The following NPW variants were observed in gnomAD, a reference collection of about 807,000 sequenced individuals.
NPW encodes prepro-neuropeptide W.
In NPW, 8 loss-of-function variants were observed where a neutral mutation model predicts 9.9. The observed-to-expected ratio is 0.81, with a 90% CI of 0.47 to 1.46. NPW has a LOEUF of 1.46. NPW is among the 40% of genes most tolerant of loss of function. NPW has a pLI of 0.00. For synonymous variants in NPW, 134 were observed against 119.9 expected (o/e 1.12, Z -0.77); for missense variants, 287 against 240.3 (o/e 1.19, Z -1.28).
Position 2,019,924 on chromosome 16 carries a change from G to A in NPW, c.23G>A (p.Arg8Gln). ...GCCCTGGCGTGGCGCCCAGGGGAGC[G>A]GGGGGCTCCCGCGAGCCGGCCGCGG... Residue 8 changes from arginine to glutamine, a missense_variant, in exon 1 of 2, where the codon CGG becomes CAG. Arg to Gln is a conservative substitution (Grantham distance 43, BLOSUM62 1). Transcript: ENST00000566435. 7.6e-7 allele frequency: 1 copy of A among 1,313,694 alleles called. No homozygotes were observed. The highest frequency in any genetic ancestry group is 9.7e-7 in the Non-Finnish European group (1 of 1,031,460). 81.4% of individuals were successfully genotyped at this position (1,313,694 alleles called of 1,614,324 possible).
At position 2,020,700 on chromosome 16, in the gene NPW, C is replaced by A; in HGVS notation, c.*81C>A. On this transcript the variant is annotated 3_prime_UTR_variant, in exon 2 of 2. Transcript: ENST00000566435. ...CGCGCTTCCAGGAGCCGCTCATAGA[C>A]CCCGCCTGCCGTCCGGTCAATAAAA... 6.3e-6 allele frequency: 5 copies of A among 787,854 alleles called. No homozygotes were observed. Among genetic ancestry groups the A allele is most frequent in the African/African-American group, 1.9e-5 (1 of 53,708 alleles). 48.8% of individuals were successfully genotyped at this position (787,854 alleles called of 1,614,324 possible).
rs2083833554 is a variant in NPW at position 2,020,623 on chromosome 16, C to T, written c.*4C>T. On this transcript the variant is annotated 3_prime_UTR_variant, in exon 2 of 2. Transcript: ENST00000566435. ...CCTGGCCCCCGGACCGTTCTGACAG[C>T]GTCCCCCGCCCGCCCGTGGCGCCTC... 6.4e-7 allele frequency: 1 copy of T among 1,567,908 alleles called. No individual in the cohort carries two copies. The highest frequency in any genetic ancestry group is 2.3e-5 in the East Asian group (1 of 43,070).
intron 1 of NPW, 68 bp downstream of exon 1, chr16:2,020,380 C>T: frequency 7.3e-7 from 1 of 1,364,030 alleles, no homozygotes; most frequent in East Asian, 2.6e-5. Flanking sequence ...AGCCGGAGCA[C>T]GGAGCCGCGC....
chr16:2,020,139 CCCGAACCCGCA>C lies in NPW; in HGVS notation c.239_249del (p.Pro80ArgfsTer96). 1 of 1,574,358 alleles carries C rather than the reference CCCGAACCCGCA, an allele frequency of 6.4e-7. No homozygotes were observed. Among genetic ancestry groups the C allele is most frequent in the Non-Finnish European group, 8.6e-7 (1 of 1,164,258 alleles). On this transcript the variant is annotated frameshift_variant, in exon 1 of 2. Transcript: ENST00000566435. LOFTEE classifies it high-confidence loss of function. ...GCCCCTGGCCAGGGACACCCTCTCC[CCCGAACCCGCA>C]GCCCGCGAGGCTCCTCTCCTGCTGC...
In NPW at chr16:2,020,720, A is replaced by G. The variant is rs1240897185; in HGVS notation, c.*101A>G. The G allele has an allele frequency of 2.9e-6, 2 of 678,072 alleles. No homozygotes were observed. The highest frequency in any genetic ancestry group is 4.9e-6 in the Non-Finnish European group (2 of 405,122). 42.0% of individuals were successfully genotyped at this position (678,072 alleles called of 1,614,324 possible). On this transcript the variant is annotated 3_prime_UTR_variant, in exon 2 of 2. Coordinates refer to ENST00000566435, the MANE Select transcript of NPW (RefSeq NM_001099456.3). ...ATAGACCCCGCCTGCCGTCCGGTCAATAAAATCCGCCTGACTCCTGCGCCC... is the reference window on the plus strand; with the variant it reads ...ATAGACCCCGCCTGCCGTCCGGTCAGTAAAATCCGCCTGACTCCTGCGCCC...
At position 2,020,300 on chromosome 16, in the gene NPW, C is replaced by G; in HGVS notation, c.399C>G (p.Ser133Arg). Residue 133 changes from serine to arginine, a missense_variant, in exon 1 of 2, where the codon AGC becomes AGG. Physicochemically the swap from Ser to Arg is moderately radical, Grantham distance 110 (BLOSUM62 -1). Transcript: ENST00000566435. ...TGGAACCGGAGTCCCTGGACTTCAG[C>G]GGAGCTGGCCAGGTACGTGAGAGGG... The G allele has an allele frequency of 6.6e-7, 1 of 1,509,002 alleles. No homozygotes were observed. Among genetic ancestry groups the G allele is most frequent in the Non-Finnish European group, 8.9e-7 (1 of 1,126,110 alleles). 93.5% of individuals were successfully genotyped at this position (1,509,002 alleles called of 1,614,324 possible).
Position 2,020,243 on chromosome 16 carries a change from G to T in NPW, c.342G>T (p.Ala114=), listed in dbSNP as rs764793237. ...CCCAGGCAGGGATCCCCGTCCGTGC[G>T]CCCCGGAGCCCGCGCGCCCCAGAGC... The change falls in exon 1 of 2, where the codon GCG becomes GCT. Residue 114 remains alanine, a synonymous_variant. Transcript: ENST00000566435. The T allele has an allele frequency of 1.3e-6, 2 of 1,561,542 alleles. No individual in the cohort carries two copies. Among genetic ancestry groups the T allele is most frequent in the Non-Finnish European group, 1.7e-6 (2 of 1,157,080 alleles).
chr16:2,020,253 CCG>C lies in NPW; in HGVS notation c.358_359del (p.Ala120ProfsTer59). The C allele has an allele frequency of 6.4e-7, 1 of 1,553,208 alleles. No homozygotes were observed. The highest frequency in any genetic ancestry group is 8.7e-7 in the Non-Finnish European group (1 of 1,152,518). On this transcript the variant is annotated frameshift_variant, in exon 1 of 2. Coordinates refer to ENST00000566435, the MANE Select transcript of NPW (RefSeq NM_001099456.3). LOFTEE classifies it high-confidence loss of function. ...GATCCCCGTCCGTGCGCCCCGGAGC[CCG>C]CGCGCCCCAGAGCCTGCGCTGGAAC...
In NPW at chr16:2,020,032, C is replaced by T. The variant is rs1327845512; in HGVS notation, c.131C>T (p.Thr44Met). 4.0e-6 allele frequency: 6 copies of T among 1,501,378 alleles called. No homozygotes were observed. The African/African-American group carries it at 4.4e-5, about 11-fold the overall frequency. 93.0% of individuals were successfully genotyped at this position (1,501,378 alleles called of 1,614,324 possible). A position where few individuals can be genotyped will look rare whatever the true frequency, so the allele number is the denominator to read the frequency against. ...CACGTGGCGAGTCCCCGCTACCACA[C>T]GGTGGGCCGCGCCGCTGGCCTGCTC... The change falls in exon 1 of 2, where the codon ACG (threonine) becomes ATG (methionine). Residue 44 changes from threonine (T) to methionine (M), a missense_variant. Thr to Met is a moderately conservative substitution (Grantham distance 81, BLOSUM62 -1). Coordinates refer to ENST00000566435, the MANE Select transcript of NPW (RefSeq NM_001099456.3).
intron 1 of NPW, 45 bp downstream of exon 1, chr16:2,020,357 C>A (rs539361358): frequency 1.4e-6 from 2 of 1,425,236 alleles, no homozygotes; most frequent in African/African-American, 1.5e-5. Context: ...GCAAGGGGGT[C>A]TCGGGAGGTC....
Position 2,019,926 on chromosome 16 carries a change from G to A in NPW, c.25G>A (p.Gly9Arg). Residue 9 changes from glycine to arginine, a missense_variant, in exon 1 of 2, where the codon GGG (glycine) becomes AGG (arginine). Coordinates refer to ENST00000566435, the MANE Select transcript of NPW (RefSeq NM_001099456.3). The stretch of plus-strand genomic sequence containing the variant: ...CCTGGCGTGGCGCCCAGGGGAGCGG[G>A]GGGCTCCCGCGAGCCGGCCGCGGCT... 1 of 1,317,452 alleles carries A rather than the reference G, an allele frequency of 7.6e-7. No individual in the cohort carries two copies. The highest frequency in any genetic ancestry group is 2.1e-5 in the South Asian group (1 of 47,622). The allele number at this position is 1,317,452 out of a possible 1,614,324, so 81.6% of individuals were successfully genotyped here. A position where few individuals can be genotyped will look rare whatever the true frequency, so the allele number is the denominator to read the frequency against.
chr16:2,020,604 C>T lies in NPW; in HGVS notation c.483C>T (p.Ala161=). The T allele has an allele frequency of 6.2e-7, 1 of 1,600,888 alleles. No individual in the cohort carries two copies. Among genetic ancestry groups the T allele is most frequent in the Non-Finnish European group, 8.5e-7 (1 of 1,172,240 alleles). ...ACCGCCTTGGCCTGCCCTGCCTGGC[C>T]CCCGGACCGTTCTGACAGCGTCCCC... is the stretch of plus-strand genomic sequence containing the variant. Residue 161 remains alanine, a synonymous_variant, in exon 2 of 2, where the codon GCC becomes GCT. Coordinates refer to ENST00000566435, the MANE Select transcript of NPW (RefSeq NM_001099456.3).
At chr16:2,020,333 C>A in intron 1 of NPW, 21 bp downstream of exon 1, 1 of 1,463,430 alleles carries the variant, frequency 6.8e-7, no homozygotes. Context: ...GGGGAGAGGC[C>A]TGGACCGCCG....
Position 2,020,236 on chromosome 16 carries a change from T to A in NPW, c.335T>A (p.Val112Asp). 1 of 1,575,488 alleles carries A rather than the reference T, an allele frequency of 6.3e-7. No individual in the cohort carries two copies. The highest frequency in any genetic ancestry group is 8.6e-7 in the Non-Finnish European group (1 of 1,164,084). The change falls in exon 1 of 2, where the codon GTC (valine) becomes GAC (aspartate). Residue 112 changes from valine to aspartate, a missense_variant. Coordinates refer to ENST00000566435, the MANE Select transcript of NPW (RefSeq NM_001099456.3). ...AGGAGCTCCCAGGCAGGGATCCCCG[T>A]CCGTGCGCCCCGGAGCCCGCGCGCC...
chr16:2,020,375 G>A, intron 1 of NPW, 63 bp downstream of exon 1: 1 of 1,388,190 alleles, frequency 7.2e-7, no homozygotes, highest in South Asian at 1.4e-5. Context: ...GTCTGAGCCG[G>A]AGCACGGAGC....
rs1477722541 is a variant in NPW at position 2,020,009 on chromosome 16, C to T, written c.108C>T (p.His36=). 6.7e-7 allele frequency: 1 copy of T among 1,497,982 alleles called. No individual in the cohort carries two copies. Among genetic ancestry groups the T allele is most frequent in the Non-Finnish European group, 8.9e-7 (1 of 1,129,624 alleles). The allele number at this position is 1,497,982 out of a possible 1,614,324, so 92.8% of individuals were successfully genotyped here. The change falls in exon 1 of 2, where the codon CAC becomes CAT. Residue 36 remains histidine (H), a synonymous_variant. Coordinates refer to ENST00000566435, the MANE Select transcript of NPW (RefSeq NM_001099456.3). ...TGCCCTCCGGCGCGTGGTACAAGCA[C>T]GTGGCGAGTCCCCGCTACCACACGG...
Position 2,020,306 on chromosome 16 carries a change from T to A in NPW, c.405T>A (p.Ala135=). The change falls in exon 1 of 2, where the codon GCT becomes GCA. Residue 135 remains alanine (A), a synonymous_variant. Coordinates refer to ENST00000566435, the MANE Select transcript of NPW (RefSeq NM_001099456.3). ...CGGAGTCCCTGGACTTCAGCGGAGC[T>A]GGCCAGGTACGTGAGAGGGGAGAGG... The A allele has an allele frequency of 6.7e-7, 1 of 1,499,036 alleles. No individual in the cohort carries two copies. Among genetic ancestry groups the A allele is most frequent in the Non-Finnish European group, 8.9e-7 (1 of 1,121,630 alleles). The allele number at this position is 1,499,036 out of a possible 1,614,324, so 92.9% of individuals were successfully genotyped here. A position where few individuals can be genotyped will look rare whatever the true frequency, so the allele number is the denominator to read the frequency against.
At position 2,020,654 on chromosome 16, in the gene NPW, C is replaced by G. The variant is rs1345706165; in HGVS notation, c.*35C>G. 37 of 1,431,046 alleles carry G rather than the reference C, an allele frequency of 2.6e-5. No individual in the cohort carries two copies. The East Asian group carries it at 8.7e-4, about 34-fold the overall frequency. The allele number at this position is 1,431,046 out of a possible 1,614,324, so 88.6% of individuals were successfully genotyped here. ...CCGCCCGCCCGTGGCGCCTCCGCGC[C>G]TGACCCAGGAGGAGTGGCCGCGCGC... is the stretch of plus-strand genomic sequence containing the variant. On this transcript the variant is annotated 3_prime_UTR_variant, in exon 2 of 2. Transcript: ENST00000566435.
intron 1 of NPW, 84 bp downstream of exon 1, chr16:2,020,396 G>C (rs927223711): frequency 7.6e-7 from 1 of 1,321,226 alleles, no homozygotes; most frequent in Non-Finnish European, 1.0e-6. Context: ...CGCGCGTTCA[G>C]GGGGCACCCT....
Sources: allele counts gnomAD v4.1 joint callset, GRCh38; gene constraint gnomAD v4.1.1; transcripts MANE v1.5; gene names NCBI Gene and HGNC (gene_info 2026-07-23, HGNC 2026-07-21).